The following ASTN2 variants were observed in gnomAD, a reference collection of about 807,000 sequenced individuals.
ASTN2 encodes astrotactin-2.
A neutral mutation model predicts 139.8 loss-of-function variants in ASTN2; 54 were observed. The ratio of observed to expected loss-of-function variants is 0.39; its 90% CI spans 0.31 to 0.48. ASTN2 has a LOEUF of 0.48. Ranked by LOEUF, ASTN2 falls within the 20% of genes least tolerant of loss-of-function variation. ASTN2 has a pLI of 0.95. For synonymous variants in ASTN2, 756 were observed against 719.5 expected (o/e 1.05, Z -0.81); for missense variants, 1,565 against 1,725.1 (o/e 0.91, Z 1.64).
chr9:116,425,865 A>G lies in ASTN2; in HGVS notation c.4006T>C (p.Ser1336Pro). The change falls in exon 23 of 23, where the codon TCC becomes CCC. Residue 1336 changes from serine (S) to proline (P), a missense_variant. Physicochemically the swap from Ser to Pro is moderately conservative, Grantham distance 74. Transcript: ENST00000313400. ...AATACCCTCCCTCACCGGCCCTTGG[A>G]CTCCCCGTACGTGTTTCGGGCCATT... ...VSMARNTYGE[S>P]KGR 6.2e-7 allele frequency: 1 copy of G among 1,612,882 alleles called. No homozygotes were observed. Among genetic ancestry groups the G allele is most frequent in the Non-Finnish European group, 8.5e-7 (1 of 1,179,740 alleles).
chr9:116,580,775 C>T (rs1467076133), intron 19 of ASTN2, among the ~76,000 whole-genome samples: 2 of 152,044 alleles, frequency 1.3e-5, no homozygotes, highest in Admixed American at 6.6e-5. Context: ...AGCTAAATTG[C>T]TTCCAGACCT....
chr9:116,826,000 C>G (rs1831612423), intron 11 of ASTN2, among the ~76,000 whole-genome samples: 1 of 152,202 alleles, frequency 6.6e-6, no homozygotes, highest in Non-Finnish European at 1.5e-5. Flanking sequence ...CTGCAGGCTG[C>G]TATTGAGACT....
chr9:117,279,331 C>T (rs1372740441), intron 2 of ASTN2, among the ~76,000 whole-genome samples: 1 of 152,192 alleles, frequency 6.6e-6, no homozygotes, highest in South Asian at 2.1e-4. Context: ...TGTGATCATA[C>T]TAGAGAGTTG....
chr9:116,457,457 G>C (rs1251851120), intron 20 of ASTN2, among the ~76,000 whole-genome samples: 1 of 151,992 alleles, frequency 6.6e-6, no homozygotes, highest in Non-Finnish European at 1.5e-5. Flanking sequence ...ATCTGACAAG[G>C]GATTAATAAC....
rs542949247 is a variant in ASTN2, at chr9:116,704,839, CTT to C, written c.2806+20930_2806+20931del. 2.4e-4 allele frequency among the ~76,000 whole-genome samples: 36 copies of C among 152,188 alleles called. No homozygotes were observed. In the East Asian group the frequency reaches 5.2e-3, roughly 22 times the overall value. ...AAGTAATTAAGATGGCATCTTGACT[CTT>C]TTGAGGGGTAAATAGAGCCAAGATT... On this transcript the variant is annotated intron_variant, in intron 16 of 22. Transcript: ENST00000313400.
chr9:117,156,238 A>T (rs138725672), intron 3 of ASTN2, among the ~76,000 whole-genome samples: 62 of 152,168 alleles, frequency 4.1e-4, no homozygotes, highest in African/African-American at 1.4e-3. Flanking sequence ...GAGTGCTTAC[A>T]CTGGGCCAGA....
intron 16 of ASTN2, among the ~76,000 whole-genome samples, chr9:116,676,559 T>C (rs1216655987): frequency 6.6e-6 from 1 of 152,204 alleles, no homozygotes; most frequent in Non-Finnish European, 1.5e-5. Context: ...TGTGACCATA[T>C]GGGGATACTT....
intron 2 of ASTN2, among the ~76,000 whole-genome samples, chr9:117,221,392 G>A (rs1692152649): frequency 6.6e-6 from 1 of 152,112 alleles, no homozygotes; most frequent in Admixed American, 6.6e-5. Context: ...ATGAAAGAAG[G>A]AAGCAGAGAA....
At chr9:116,774,452 T>C (rs553835357) in intron 13 of ASTN2, among the ~76,000 whole-genome samples, 4 of 152,286 alleles carry the variant, frequency 2.6e-5, no homozygotes, top group Middle Eastern at 3.4e-3. Context: ...ATAATAATAA[T>C]AGCACCCAAC....
chr9:116,613,981 C>T (rs1032274461), intron 19 of ASTN2, among the ~76,000 whole-genome samples: 10 of 152,172 alleles, frequency 6.6e-5, no homozygotes, highest in South Asian at 2.1e-4. Flanking sequence ...AAAACCCCAT[C>T]GTCTCAGCAC....
chr9:117,075,060 G>A (rs1319448062), intron 5 of ASTN2, among the ~76,000 whole-genome samples: 5 of 152,180 alleles, frequency 3.3e-5, no homozygotes, highest in Non-Finnish European at 5.9e-5. Flanking sequence ...GACACCAAAG[G>A]TATCTAAGGG....
chr9:116,827,445 T>A (rs1452186765), intron 11 of ASTN2, among the ~76,000 whole-genome samples: 1 of 150,646 alleles, frequency 6.6e-6, no homozygotes. Context: ...AAAGGATCAA[T>A]GAAATGAAAA....
intron 1 of ASTN2, among the ~76,000 whole-genome samples, chr9:117,324,254 C>T (rs1181929512): frequency 2.6e-5 from 4 of 152,064 alleles, no homozygotes; most frequent in African/African-American, 7.2e-5. Context: ...GATATGTGAA[C>T]ATAAGGAAAC....
chr9:116,590,048 G>A (rs529571026), intron 19 of ASTN2, among the ~76,000 whole-genome samples: 3 of 152,268 alleles, frequency 2.0e-5, no homozygotes, highest in South Asian at 2.1e-4. Context: ...CATATGAAGC[G>A]GCCACTGCAA....
intron 10 of ASTN2, among the ~76,000 whole-genome samples, chr9:116,899,795 T>C (rs1833962804): frequency 6.6e-6 from 1 of 152,140 alleles, no homozygotes; most frequent in East Asian, 1.9e-4. Context: ...GATCACAGGA[T>C]TCCTAACCTC....
At chr9:117,377,154 G>C (rs1025289837) in intron 1 of ASTN2, among the ~76,000 whole-genome samples, 3 of 152,170 alleles carry the variant, frequency 2.0e-5, no homozygotes, top group African/African-American at 7.2e-5. Context: ...TGAACTCCTC[G>C]GGATTTGGCC....
chr9:116,620,212 C>G lies in ASTN2; in HGVS notation c.3206+98G>C, dbSNP rs2131827311. 4 of 1,564,248 alleles carry G rather than the reference C, an allele frequency of 2.6e-6. No homozygotes were observed. The South Asian group carries it at 4.6e-5, about 18-fold the overall frequency. On this transcript the variant is annotated intron_variant, in intron 18 of 22. Transcript: ENST00000313400. Reference sequence around the variant, plus strand: ...GGGTCTTTGAGGATCTTGTTAGGCACCTTGGGAGCAGAAGCAAGTCATGGC... The same window carrying G: ...GGGTCTTTGAGGATCTTGTTAGGCAGCTTGGGAGCAGAAGCAAGTCATGGC...
chr9:116,545,680 A>G (rs910947760), intron 19 of ASTN2: 9 of 150,268 alleles, frequency 6.0e-5, no homozygotes, highest in Non-Finnish European at 1.2e-4. Flanking sequence ...TTTTTAGCAG[A>G]AAAAAAATAA....
chr9:117,071,555 A>G (rs374808236), intron 5 of ASTN2, among the ~76,000 whole-genome samples: 3,107 of 149,002 alleles, frequency 0.021, 34 homozygotes, highest in Non-Finnish European at 0.03. Flanking sequence ...CGAGCTTCCC[A>G]GCTGCTTTGT....
Sources: allele counts gnomAD v4.1 joint callset (sites outside exome capture counted in the v4.1 genomes callset), GRCh38; gene constraint gnomAD v4.1.1; transcripts MANE v1.5; gene names NCBI Gene and HGNC (gene_info 2026-07-23, HGNC 2026-07-21).